The following RBM4B variants were observed in gnomAD, a reference collection of about 807,000 sequenced individuals.
RBM4B encodes RNA-binding protein 4B.
In RBM4B, 13 loss-of-function variants were observed where a neutral mutation model predicts 28.5. The observed-to-expected ratio is 0.46, with a 90% CI of 0.30 to 0.72. The LOEUF is 0.72. Among genes scored for constraint, RBM4B ranks in the 30% least tolerant of loss-of-function variants. The probability of loss-of-function intolerance (pLI) is 0.09; values close to 1 mark genes in which losing one functional copy is unlikely to be tolerated. For missense variants in RBM4B, 387 were observed against 477.6 expected (o/e 0.81, Z 1.77); for synonymous variants, 167 against 179.1 (o/e 0.93, Z 0.54).
chr11:66,673,017 G>A (rs992502767), intron 2 of RBM4B, among the ~76,000 whole-genome samples: 3 of 152,110 alleles, frequency 2.0e-5, no homozygotes, highest in Admixed American at 2.0e-4. Context: ...AGCCCTATAA[G>A]TGTTTTATTT....
In RBM4B at chr11:66,666,355, T is replaced by C. The variant is rs1414746222; in HGVS notation, c.*10-777A>G. The C allele has an allele frequency of 8.9e-6, 9 of 1,012,104 alleles. No individual in the cohort carries two copies. In the African/African-American group the frequency reaches 1.6e-4, roughly 18 times the overall value. The allele number at this position is 1,012,104 out of a possible 1,614,324, so 62.7% of individuals were successfully genotyped here. On this transcript the variant is annotated intron_variant, in intron 3 of 3. Coordinates refer to ENST00000310046, the MANE Select transcript of RBM4B (RefSeq NM_031492.4). ...ATCGACTTCAAAAGTTGTGACGTTC[T>C]TGGATCAGTTCTGCTAGGGTGAGAC... is the stretch of plus-strand genomic sequence containing the variant.
chr11:66,673,051 A>G (rs779004247), intron 2 of RBM4B, among the ~76,000 whole-genome samples: 1 of 152,214 alleles, frequency 6.6e-6, no homozygotes, highest in Non-Finnish European at 1.5e-5. Flanking sequence ...AGAAAAGAGC[A>G]TTAAAATGCT....
At position 66,668,875 on chromosome 11, in the gene RBM4B, G is replaced by T; in HGVS notation, c.829C>A (p.Pro277Thr). The T allele has an allele frequency of 6.2e-7, 1 of 1,614,196 alleles. No homozygotes were observed. Among genetic ancestry groups the T allele is most frequent in the African/African-American group, 1.3e-5 (1 of 75,038 alleles). ...GAAGTGGCAGCAGCGCCAGAGTTTG[G>T]CAATAGGTGTCTGTCATAGGGATCA... Reference protein sequence around the residue: ...SVDPYDRHLLPNSGAAATSAA... With the variant: ...SVDPYDRHLLTNSGAAATSAA... The change falls in exon 3 of 4, where the codon CCA (proline) becomes ACA (threonine). Residue 277 changes from proline to threonine, a missense_variant. Pro to Thr is a conservative substitution (Grantham distance 38, BLOSUM62 -1). Transcript: ENST00000310046.
At chr11:66,670,455 T>C (rs901386230) in intron 2 of RBM4B, among the ~76,000 whole-genome samples, 2 of 152,066 alleles carry the variant, frequency 1.3e-5, no homozygotes, top group African/African-American at 4.8e-5. Context: ...CCCACACAAA[T>C]GGGCCACATC....
chr11:66,665,834 A>G (rs767967898), intron 3 of RBM4B: 2 of 1,510,538 alleles, frequency 1.3e-6, no homozygotes, highest in Non-Finnish European at 1.8e-6. Context: ...TGATAAATAC[A>G]TCTTTCTTAT....
chr11:66,665,670 G>T, intron 3 of RBM4B, 92 bp from the exon 4 acceptor site: 1 of 1,496,664 alleles, frequency 6.7e-7, no homozygotes, highest in South Asian at 1.3e-5. Context: ...CCTGTATTCC[G>T]GGGGGAAAAA....
chr11:66,674,348 C>T (rs1239358061), intron 2 of RBM4B, among the ~76,000 whole-genome samples: 4 of 151,488 alleles, frequency 2.6e-5, no homozygotes, highest in African/African-American at 9.7e-5. Flanking sequence ...CTCAGCTTCC[C>T]GAGTAGTGGG....
At chr11:66,668,508 T>G in intron 3 of RBM4B, 107 bp downstream of exon 3, 1 of 829,932 alleles carries the variant, frequency 1.2e-6, no homozygotes, top group Non-Finnish European at 1.9e-6. Flanking sequence ...TTGCACCTTT[T>G]GGATACTGTC....
chr11:66,674,251 T>A (rs1408617313), intron 2 of RBM4B, among the ~76,000 whole-genome samples: 1 of 149,110 alleles, frequency 6.7e-6, no homozygotes, highest in Non-Finnish European at 1.5e-5. Flanking sequence ...TGAGATGGAG[T>A]CTTGCTCTGT....
At chr11:66,675,826 G>C (rs1294424988) in intron 2 of RBM4B, 1 of 152,182 alleles carries the variant, frequency 6.6e-6, no homozygotes, top group African/African-American at 2.4e-5. Flanking sequence ...GTATACACTT[G>C]AAAAACTGAA....
Position 66,668,614 on chromosome 11 carries a change from C to T in RBM4B, c.*9+1G>A, listed in dbSNP as rs1226024550. ...TTTAACCATTCCCACCCATCTCTCACCTCCAGTTTTTAAAAGGCTGAGTAC... is the reference window on the plus strand; with the variant it reads ...TTTAACCATTCCCACCCATCTCTCATCTCCAGTTTTTAAAAGGCTGAGTAC... On this transcript the variant is annotated splice_donor_variant, in intron 3 of 3. Coordinates refer to ENST00000310046, the MANE Select transcript of RBM4B (RefSeq NM_031492.4). LOFTEE classifies it low-confidence loss of function (3UTR_SPLICE). The T allele has an allele frequency of 1.3e-6, 2 of 1,590,518 alleles. No homozygotes were observed. Among genetic ancestry groups the T allele is most frequent in the South Asian group, 2.2e-5 (2 of 89,486 alleles).
chr11:66,676,812 T>G lies in RBM4B; in HGVS notation c.268A>C (p.Thr90Pro). 1 of 1,614,196 alleles carries G rather than the reference T, an allele frequency of 6.2e-7. No individual in the cohort carries two copies. Among genetic ancestry groups the G allele is most frequent in the Non-Finnish European group, 8.5e-7 (1 of 1,180,038 alleles). ...AACTTGGCTCGAAGCTCTTGGTTGG[T>G]ACAAGTGGGGCTGATGTTACCCACG... The part of the protein sequence containing the change: ...LHVGNISPTC[T>P]NQELRAKFEE... Residue 90 changes from threonine (T) to proline (P), a missense_variant, in exon 2 of 4, where the codon ACC (threonine) becomes CCC (proline). Physicochemically the swap from Thr to Pro is conservative, Grantham distance 38. Around this residue, in one of 2 missense-constraint regions of RBM4B, gnomAD observed 161 missense variants for 256.9 expected, o/e 0.63. Coordinates refer to ENST00000310046, the MANE Select transcript of RBM4B (RefSeq NM_031492.4).
chr11:66,668,543 A>C (rs1939333930), intron 3 of RBM4B, 72 bp downstream of exon 3: 3 of 1,303,342 alleles, frequency 2.3e-6, no homozygotes. Context: ...GGCTCTAGCC[A>C]CTTTTATGAA....
chr11:66,677,300 T>C (rs1398030845), intron 1 of RBM4B: 6 of 613,334 alleles, frequency 9.8e-6, no homozygotes, highest in African/African-American at 9.2e-5. Flanking sequence ...AGGGTCAGCA[T>C]GCATAGCCCA....
chr11:66,676,572 G>C, intron 2 of RBM4B, 96 bp downstream of exon 2: 1 of 1,382,226 alleles, frequency 7.2e-7, no homozygotes, highest in Admixed American at 2.1e-5. Context: ...AAAACAGAAT[G>C]GAAGAGACCA....
chr11:66,666,326 G>A (rs1939229924), intron 3 of RBM4B: 1 of 1,024,624 alleles, frequency 9.8e-7, no homozygotes, highest in African/African-American at 1.7e-5. Flanking sequence ...CTTGATCTGT[G>A]CCAATCGACT....
At position 66,665,125 on chromosome 11, in the gene RBM4B, C is replaced by T. The variant is rs1939177071; in HGVS notation, c.*463G>A. The T allele has an allele frequency of 6.4e-6, 1 of 157,378 alleles. No homozygotes were observed. Among genetic ancestry groups the T allele is most frequent in the South Asian group, 1.9e-4 (1 of 5,158 alleles). The allele number at this position is 157,378 out of a possible 1,614,324, so 9.7% of individuals were successfully genotyped here. A position where few individuals can be genotyped will look rare whatever the true frequency, so the allele number is the denominator to read the frequency against. On this transcript the variant is annotated 3_prime_UTR_variant, in exon 4 of 4. Coordinates refer to ENST00000310046, the MANE Select transcript of RBM4B (RefSeq NM_031492.4). ...GGTCGGACATAAAAAACAAACAAAACAACAAAACCCCCAATGGTCCTAGCA... is the reference window on the plus strand; with the variant it reads ...GGTCGGACATAAAAAACAAACAAAATAACAAAACCCCCAATGGTCCTAGCA...
intron 3 of RBM4B, chr11:66,668,338 C>G: frequency 2.9e-6 from 1 of 349,472 alleles, no homozygotes; most frequent in Non-Finnish European, 5.2e-6. Flanking sequence ...TTCTGTAACC[C>G]AAATATGCTT....
intron 2 of RBM4B, among the ~76,000 whole-genome samples, chr11:66,672,244 T>A (rs910488946): frequency 2.0e-5 from 3 of 150,802 alleles, no homozygotes; most frequent in Non-Finnish European, 3.0e-5. Flanking sequence ...CCCTCTCTAC[T>A]AAAAAAATAC....
Sources: allele counts gnomAD v4.1 joint callset (sites outside exome capture counted in the v4.1 genomes callset), GRCh38; gene constraint gnomAD v4.1.1; regional missense constraint gnomAD v4.1.1; transcripts MANE v1.5; gene names NCBI Gene and HGNC (gene_info 2026-07-23, HGNC 2026-07-21).